Variants in PLD5 observed in about 807,000 individuals in gnomAD.
PLD5 encodes phospholipase D family member 5, also known as inactive phospholipase D5.
PLD5 carries 36 observed loss-of-function variants against 61.1 expected under a neutral mutation model. The observed-to-expected ratio is 0.59, with a 90% confidence interval of 0.45 to 0.78. PLD5 has a LOEUF of 0.78. PLD5 is among the 30% of genes least tolerant of loss of function. The pLI is 0.00. For missense variants in PLD5, 515 were observed against 644.4 expected, an observed-to-expected ratio of 0.80 and a Z score of 2.17; for synonymous variants, 243 against 242.8, an observed-to-expected ratio of 1.00 and a Z score of -0.01.
intron 5 of PLD5, among the ~76,000 whole-genome samples, chr1:242,153,382 T>C (rs1420565141): frequency 6.6e-6 from 1 of 151,530 alleles, no homozygotes; most frequent in Non-Finnish European, 1.5e-5. Flanking sequence ...ATTTTGGCTT[T>C]TGTTTCCATT....
chr1:242,242,006 T>TACACACAC (rs1558388065), intron 4 of PLD5, among the ~76,000 whole-genome samples: 1 of 125,108 alleles, frequency 8.0e-6, no homozygotes, highest in South Asian at 2.7e-4. Flanking sequence ...TATATATATA[T>TACACACAC]ATATAGACAC....
intron 2 of PLD5, among the ~76,000 whole-genome samples, chr1:242,292,978 G>A (rs1046113374): frequency 2.0e-5 from 3 of 152,172 alleles, no homozygotes; most frequent in Non-Finnish European, 2.9e-5. Context: ...TTCATCGACT[G>A]TCAAAGGGGT....
chr1:242,199,167 A>G (rs1668830578), intron 5 of PLD5, among the ~76,000 whole-genome samples: 1 of 152,192 alleles, frequency 6.6e-6, no homozygotes, highest in South Asian at 2.1e-4. Context: ...TTTAGATTAT[A>G]TATGTGGCTC....
At chr1:242,410,988 A>C (rs1318538759) in intron 1 of PLD5, among the ~76,000 whole-genome samples, 1 of 152,154 alleles carries the variant, frequency 6.6e-6, no homozygotes, top group Non-Finnish European at 1.5e-5. Flanking sequence ...TTTTTAAAAG[A>C]CCATTTGGGG....
In PLD5 at chr1:242,414,036, G is replaced by A. The variant is rs185108237; in HGVS notation, c.190-65794C>T. ...AGTAGGCAAATCTGAGAGAGGCAAG[G>A]TTGCAAGCAGAAGTGTCAAGTGAAA... On this transcript the variant is annotated intron_variant, in intron 1 of 9. Transcript: ENST00000536534. Among the ~76,000 whole-genome samples, 375 of 152,238 alleles carry A rather than the reference G, an allele frequency of 2.5e-3. 3 individuals carry two copies. The highest frequency in any genetic ancestry group is 4.5e-3 in the Non-Finnish European group (305 of 68,006).
chr1:242,421,154 TG>T (rs1414902385), intron 1 of PLD5, among the ~76,000 whole-genome samples: 2 of 117,414 alleles, frequency 1.7e-5, no homozygotes, highest in Admixed American at 2.4e-4. Flanking sequence ...CACTCTAGCC[TG>T]GGGACAGTGA....
intron 1 of PLD5, among the ~76,000 whole-genome samples, chr1:242,490,316 C>T (rs1199960340): frequency 6.6e-6 from 1 of 152,194 alleles, no homozygotes; most frequent in East Asian, 1.9e-4. Flanking sequence ...AATCAGCAAG[C>T]TGTTTCATGG....
rs998842987 is a variant in PLD5 at position 242,084,128 on chromosome 1, A to G, written c.*5726T>C. The stretch of plus-strand genomic sequence containing the variant: ...ATCACAAATAATCTTCACCCTTACT[A>G]TGATTTAATTGGACTCCTTGTACAT... On this transcript the variant is annotated 3_prime_UTR_variant, in exon 10 of 10. Coordinates refer to ENST00000536534, the MANE Select transcript of PLD5 (RefSeq NM_001372062.1). 16 of 152,152 alleles carry G rather than the reference A, an allele frequency of 1.1e-4. No individual in the cohort carries two copies. The highest frequency in any genetic ancestry group is 1.7e-4 in the African/African-American group (7 of 41,446). The allele number at this position is 152,152 out of a possible 1,614,324, so 9.4% of individuals were successfully genotyped here.
At chr1:242,499,341 C>A (rs1668477882) in intron 1 of PLD5, among the ~76,000 whole-genome samples, 1 of 152,068 alleles carries the variant, frequency 6.6e-6, no homozygotes, top group African/African-American at 2.4e-5. Context: ...TAATTGCAGC[C>A]AAGAATTTAG....
At chr1:242,428,358 T>C (rs1268421059) in intron 1 of PLD5, among the ~76,000 whole-genome samples, 1 of 152,216 alleles carries the variant, frequency 6.6e-6, no homozygotes. Context: ...ATATTTATCC[T>C]CTGGCTAGAA....
At chr1:242,467,751 G>T (rs1667322308) in intron 1 of PLD5, among the ~76,000 whole-genome samples, 1 of 152,234 alleles carries the variant, frequency 6.6e-6, no homozygotes, top group East Asian at 1.9e-4. Flanking sequence ...GTGTGTGCAT[G>T]GGAGTCCTTA....
intron 5 of PLD5, among the ~76,000 whole-genome samples, chr1:242,168,846 GTTTTTTT>G (rs34280777): frequency 9.0e-6 from 1 of 111,278 alleles, no homozygotes; most frequent in South Asian, 3.1e-4. Flanking sequence ...AATTAATGAA[GTTTTTTT>G]TTTTTTTTTT....
intron 2 of PLD5, among the ~76,000 whole-genome samples, chr1:242,315,517 T>G (rs1488729898): frequency 2.0e-5 from 3 of 152,012 alleles, no homozygotes; most frequent in Non-Finnish European, 4.4e-5. Flanking sequence ...TGGGGAAGAG[T>G]CTTCAACATC....
At chr1:242,135,555 T>C (rs1431096534) in intron 5 of PLD5, among the ~76,000 whole-genome samples, 2 of 152,210 alleles carry the variant, frequency 1.3e-5, no homozygotes, top group African/African-American at 2.4e-5. Context: ...TTTTTCAGCA[T>C]TGGATGCTAG....
intron 1 of PLD5, among the ~76,000 whole-genome samples, chr1:242,463,442 C>T (rs558686735): frequency 6.6e-6 from 1 of 152,190 alleles, no homozygotes; most frequent in Non-Finnish European, 1.5e-5. Context: ...TGTTCCCAAG[C>T]AGTCGTGCTT....
At chr1:242,363,741 A>G (rs1661195600) in intron 1 of PLD5, among the ~76,000 whole-genome samples, 1 of 152,196 alleles carries the variant, frequency 6.6e-6, no homozygotes, top group African/African-American at 2.4e-5. Flanking sequence ...TACTGTAACT[A>G]TATTCTATAT....
At chr1:242,223,563 T>C (rs1156874560) in intron 4 of PLD5, among the ~76,000 whole-genome samples, 1 of 152,208 alleles carries the variant, frequency 6.6e-6, no homozygotes, top group Non-Finnish European at 1.5e-5. Flanking sequence ...TAATTCCCAT[T>C]TATTGAATAC....
chr1:242,169,035 C>A (rs1226079796), intron 5 of PLD5, among the ~76,000 whole-genome samples: 3 of 151,702 alleles, frequency 2.0e-5, no homozygotes, highest in Non-Finnish European at 4.4e-5. Flanking sequence ...TGCTTTAATT[C>A]CCCCATAAAC....
At chr1:242,108,031 G>A (rs1018458183) in intron 7 of PLD5, among the ~76,000 whole-genome samples, 192 bp from the exon 8 acceptor site, 3 of 152,046 alleles carry the variant, frequency 2.0e-5, no homozygotes, top group Non-Finnish European at 4.4e-5. Context: ...TGATTTGCTG[G>A]GACCTGCCCC....
Sources: allele counts gnomAD v4.1 joint callset (sites outside exome capture counted in the v4.1 genomes callset), GRCh38; gene constraint gnomAD v4.1.1; transcripts MANE v1.5; gene names NCBI Gene and HGNC (gene_info 2026-07-23, HGNC 2026-07-21).